The following NPAS3 variants were observed in gnomAD, a reference collection of about 807,000 sequenced individuals.
NPAS3 encodes the protein neuronal PAS domain-containing protein 3.
Under a neutral mutation model 73.1 loss-of-function variants are expected in NPAS3, and 14 were observed. The observed-to-expected ratio is 0.19, with a 90% CI of 0.13 to 0.30. NPAS3 has a LOEUF of 0.30. Among genes scored for constraint, NPAS3 ranks in the 10% least tolerant of loss-of-function variants. The pLI is 1.00. For missense variants in NPAS3, 1,096 were observed against 1,250.0 expected (o/e 0.88, Z 1.86); for synonymous variants, 620 against 541.5 (o/e 1.14, Z -2.01).
At chr14:33,308,022 G>A (rs1482137551) in intron 3 of NPAS3, among the ~76,000 whole-genome samples, 1 of 152,056 alleles carries the variant, frequency 6.6e-6, no homozygotes, top group African/African-American at 2.4e-5. Flanking sequence ...TATCCTGTAC[G>A]CAATCACATT....
At chr14:33,544,633 T>C (rs772894628) in intron 4 of NPAS3, among the ~76,000 whole-genome samples, 57 of 151,238 alleles carry the variant, frequency 3.8e-4, no homozygotes, top group Non-Finnish European at 2.8e-4. Flanking sequence ...TCACCAAAAC[T>C]GAACCCTACA....
At chr14:33,686,124 G>A (rs901499622) in intron 6 of NPAS3, among the ~76,000 whole-genome samples, 1 of 152,186 alleles carries the variant, frequency 6.6e-6, no homozygotes, top group Admixed American at 6.5e-5. Context: ...TGGCCTTGAT[G>A]AGGAGGGATG....
intron 4 of NPAS3, among the ~76,000 whole-genome samples, chr14:33,558,295 C>G (rs1016692196): frequency 2.6e-5 from 4 of 151,910 alleles, no homozygotes; most frequent in African/African-American, 4.8e-5. Flanking sequence ...GAGTCTTGCT[C>G]TGTTGTCCAG....
At chr14:33,588,298 A>G (rs2056939360) in intron 5 of NPAS3, among the ~76,000 whole-genome samples, 1 of 152,156 alleles carries the variant, frequency 6.6e-6, no homozygotes, top group Admixed American at 6.5e-5. Flanking sequence ...CTCCAAGACC[A>G]AACTTCCCTC....
intron 2 of NPAS3, among the ~76,000 whole-genome samples, chr14:33,147,601 A>G (rs1399001708): frequency 3.3e-5 from 5 of 151,602 alleles, no homozygotes; most frequent in Non-Finnish European, 4.4e-5. Context: ...GGGGAGGGAT[A>G]GCATTAGGAG....
chr14:33,068,840 C>G (rs2041373359), intron 2 of NPAS3, among the ~76,000 whole-genome samples: 1 of 152,098 alleles, frequency 6.6e-6, no homozygotes, highest in African/African-American at 2.4e-5. Flanking sequence ...TGAAGGGTTC[C>G]TAATGTGTTC....
intron 3 of NPAS3, among the ~76,000 whole-genome samples, chr14:33,331,019 T>C (rs531420385): frequency 3.3e-5 from 5 of 152,352 alleles, no homozygotes; most frequent in Admixed American, 3.3e-4. Flanking sequence ...TTGGGTGATT[T>C]AGTGTGAAGG....
At chr14:33,142,145 A>G (rs1441242879) in intron 2 of NPAS3, among the ~76,000 whole-genome samples, 1 of 133,682 alleles carries the variant, frequency 7.5e-6, no homozygotes, top group East Asian at 2.2e-4. Context: ...ACTTTGTACA[A>G]TTTTACTTCT....
chr14:33,575,079 C>T (rs868646146), intron 5 of NPAS3, among the ~76,000 whole-genome samples: 2 of 152,298 alleles, frequency 1.3e-5, no homozygotes, highest in South Asian at 4.1e-4. Flanking sequence ...CTCTTTTCTA[C>T]CAAACACGTT....
intron 4 of NPAS3, among the ~76,000 whole-genome samples, chr14:33,377,706 C>T (rs919076418): frequency 2.6e-5 from 4 of 152,152 alleles, no homozygotes; most frequent in African/African-American, 9.7e-5. Flanking sequence ...GGGAAGGAAG[C>T]AGTTTGAGGT....
intron 10 of NPAS3, among the ~76,000 whole-genome samples, chr14:33,795,490 A>G (rs1378036433): frequency 6.6e-6 from 1 of 152,230 alleles, no homozygotes; most frequent in African/African-American, 2.4e-5. Flanking sequence ...AGAAAATGGA[A>G]TAAGGTCTTG....
chr14:33,109,236 C>T (rs893626636), intron 2 of NPAS3, among the ~76,000 whole-genome samples: 2 of 152,200 alleles, frequency 1.3e-5, no homozygotes, highest in African/African-American at 4.8e-5. Flanking sequence ...AATTCTGATT[C>T]CAGCAAATAG....
At chr14:33,505,775 C>G (rs2052729025) in intron 4 of NPAS3, among the ~76,000 whole-genome samples, 1 of 151,868 alleles carries the variant, frequency 6.6e-6, no homozygotes, top group South Asian at 2.1e-4. Flanking sequence ...ATTCAAATGC[C>G]CTGATGTCCA....
At chr14:33,279,167 T>C (rs1356399239) in intron 3 of NPAS3, among the ~76,000 whole-genome samples, 1 of 152,110 alleles carries the variant, frequency 6.6e-6, no homozygotes, top group East Asian at 1.9e-4. Context: ...TCTAACAAGT[T>C]CTCAGGGTAT....
chr14:33,551,750 G>A (rs536824554), intron 4 of NPAS3, among the ~76,000 whole-genome samples: 9 of 152,268 alleles, frequency 5.9e-5, no homozygotes, highest in Admixed American at 1.3e-4. Flanking sequence ...TTTATTACCC[G>A]TGGGGTCCCC....
At chr14:33,694,203 A>G (rs572415994) in intron 6 of NPAS3, among the ~76,000 whole-genome samples, 1 of 152,178 alleles carries the variant, frequency 6.6e-6, no homozygotes, top group African/African-American at 2.4e-5. Flanking sequence ...GTGGAGTTCC[A>G]TGCTACCATT....
chr14:33,518,106 G>T (rs909182074), intron 4 of NPAS3, among the ~76,000 whole-genome samples: 3 of 152,112 alleles, frequency 2.0e-5, no homozygotes, highest in Non-Finnish European at 4.4e-5. Flanking sequence ...GCTGAAGAAT[G>T]CTTTCATGCT....
intron 4 of NPAS3, among the ~76,000 whole-genome samples, chr14:33,386,119 C>G (rs2046766222): frequency 6.6e-6 from 1 of 151,338 alleles, no homozygotes; most frequent in Admixed American, 6.6e-5. Context: ...AAGTTAGGAC[C>G]AAATAATTTT....
intron 5 of NPAS3, among the ~76,000 whole-genome samples, chr14:33,574,640 G>T (rs569238804): frequency 1.3e-5 from 2 of 152,060 alleles, no homozygotes; most frequent in Non-Finnish European, 2.9e-5. Context: ...AGTGTTGATG[G>T]ATCTCATTTT....
Sources: allele counts gnomAD v4.1 joint callset (sites outside exome capture counted in the v4.1 genomes callset), GRCh38; gene constraint gnomAD v4.1.1; transcripts MANE v1.5; gene names NCBI Gene and HGNC (gene_info 2026-07-23, HGNC 2026-07-21).